Variants in ZBTB20 observed in about 807,000 individuals in gnomAD.
ZBTB20 encodes the protein zinc finger and BTB domain-containing protein 20.
A neutral mutation model predicts 56.9 loss-of-function variants in ZBTB20; 9 were observed. That is an observed-to-expected ratio of 0.16 (90% CI 0.10 to 0.28). The LOEUF is 0.28. Among genes scored for constraint, ZBTB20 ranks in the 10% least tolerant of loss-of-function variants. The pLI is 1.00. For missense variants in ZBTB20, 655 were observed against 1,003.0 expected (o/e 0.65, Z 4.69); for synonymous variants, 417 against 420.7 (o/e 0.99, Z 0.11).
At chr3:114,700,403 T>C (rs1322817226) in intron 5 of ZBTB20, among the ~76,000 whole-genome samples, 1 of 152,046 alleles carries the variant, frequency 6.6e-6, no homozygotes, top group Non-Finnish European at 1.5e-5. Flanking sequence ...ACAAACAGAG[T>C]AAACTACAGC....
Position 114,324,350 on chromosome 3 carries a change from T to C in ZBTB20, c.*14655A>G, listed in dbSNP as rs1189894304. The C allele has an allele frequency of 6.6e-6, 1 of 152,170 alleles. No individual in the cohort carries two copies. Among genetic ancestry groups the C allele is most frequent in the Non-Finnish European group, 1.5e-5 (1 of 68,010 alleles). The allele number at this position is 152,170 out of a possible 1,614,324, so 9.4% of individuals were successfully genotyped here. On this transcript the variant is annotated 3_prime_UTR_variant, in exon 12 of 12. Coordinates refer to ENST00000675478, the MANE Select transcript of ZBTB20 (RefSeq NM_001348800.3). ...TGAAACACGGTCCTAAATTTAACAG[T>C]GCTGGGCTTTTATTTTTGAATAGTG...
chr3:114,663,681 A>G (rs1292438072), intron 6 of ZBTB20, among the ~76,000 whole-genome samples: 2 of 151,552 alleles, frequency 1.3e-5, no homozygotes, highest in African/African-American at 4.8e-5. Context: ...TCAAAATAAA[A>G]GGATGGAGGA....
At chr3:115,049,715 A>AT (rs1270398244) in intron 2 of ZBTB20, among the ~76,000 whole-genome samples, 1 of 152,092 alleles carries the variant, frequency 6.6e-6, no homozygotes, top group Non-Finnish European at 1.5e-5. Context: ...AGTCAATGTT[A>AT]TTTCTCAGAA....
rs751181630 is a variant in ZBTB20, at chr3:114,623,267, C to T, written c.-295+70261G>A. ...CACATTTTGGCTATGAAAGCTGGTCCGTGGACTCCTCTGCCAGTCTCACAT... is the reference window on the plus strand; with the variant it reads ...CACATTTTGGCTATGAAAGCTGGTCTGTGGACTCCTCTGCCAGTCTCACAT... On this transcript the variant is annotated intron_variant, in intron 6 of 11. Transcript: ENST00000675478. Among the ~76,000 whole-genome samples, 10 of 152,076 alleles carry T rather than the reference C, an allele frequency of 6.6e-5. No homozygotes were observed. The South Asian group carries it at 2.1e-3, about 32-fold the overall frequency.
chr3:114,594,895 G>T (rs2056174066), intron 6 of ZBTB20, among the ~76,000 whole-genome samples: 1 of 152,174 alleles, frequency 6.6e-6, no homozygotes, highest in Admixed American at 6.5e-5. Flanking sequence ...ATAGATAGGG[G>T]CAGGAGAGCA....
chr3:114,756,311 T>C (rs2108675918), intron 5 of ZBTB20, among the ~76,000 whole-genome samples: 1 of 152,260 alleles, frequency 6.6e-6, no homozygotes, highest in East Asian at 1.9e-4. Flanking sequence ...CACTTCCATT[T>C]AGGGAGATAT....
intron 6 of ZBTB20, among the ~76,000 whole-genome samples, chr3:114,526,146 T>G (rs1336272407): frequency 1.3e-5 from 2 of 152,222 alleles, no homozygotes; most frequent in Non-Finnish European, 2.9e-5. Flanking sequence ...TCTTCTCCAC[T>G]TTCTTATGTT....
At chr3:114,391,755 T>A (rs547744327) in intron 7 of ZBTB20, among the ~76,000 whole-genome samples, 11 of 152,314 alleles carry the variant, frequency 7.2e-5, no homozygotes, top group African/African-American at 2.6e-4. Flanking sequence ...TAAAAGCTCA[T>A]CTGCTTCAAC....
intron 6 of ZBTB20, among the ~76,000 whole-genome samples, chr3:114,501,128 C>T (rs1046588186): frequency 6.6e-6 from 1 of 152,170 alleles, no homozygotes; most frequent in African/African-American, 2.4e-5. Context: ...ACTGCCTCTA[C>T]CCCTTCTCAC....
chr3:114,721,217 T>G (rs1171648748), intron 5 of ZBTB20, among the ~76,000 whole-genome samples: 1 of 152,086 alleles, frequency 6.6e-6, no homozygotes, highest in Admixed American at 6.6e-5. Context: ...ATTAAAGGCT[T>G]GTAAAGTAGG....
rs146066718 is a variant in ZBTB20, at chr3:114,810,545, G to A, written c.-416-9371C>T. On this transcript the variant is annotated intron_variant, in intron 4 of 11. Transcript: ENST00000675478. ...ACTGATACAATGGAACTGTGGGGACGGATAATAGGAGGAAGCACTCCCGGC... is the reference window on the plus strand; with the variant it reads ...ACTGATACAATGGAACTGTGGGGACAGATAATAGGAGGAAGCACTCCCGGC... Among the ~76,000 whole-genome samples, 10 of 152,218 alleles carry A rather than the reference G, an allele frequency of 6.6e-5. No homozygotes were observed. The East Asian group carries it at 1.2e-3, about 18-fold the overall frequency.
In ZBTB20 at chr3:114,572,793, G is replaced by A. The variant is rs2107362937; in HGVS notation, c.-294-72402C>T. Reference sequence around the variant, plus strand: ...GTTCATTCTCTCTGGCATCAAACTGGTTTTCTTTTTTGGGTAAATTTCTGG... The same window carrying A: ...GTTCATTCTCTCTGGCATCAAACTGATTTTCTTTTTTGGGTAAATTTCTGG... On this transcript the variant is annotated intron_variant, in intron 6 of 11. Coordinates refer to ENST00000675478, the MANE Select transcript of ZBTB20 (RefSeq NM_001348800.3). Among the ~76,000 whole-genome samples, 2 of 152,234 alleles carry A rather than the reference G, an allele frequency of 1.3e-5. 1 individual carries two copies. Among genetic ancestry groups the A allele is most frequent in the South Asian group, 4.1e-4 (2 of 4,824 alleles).
intron 6 of ZBTB20, among the ~76,000 whole-genome samples, chr3:114,625,729 C>T (rs1218001202): frequency 1.3e-5 from 2 of 152,100 alleles, no homozygotes; most frequent in East Asian, 3.8e-4. Flanking sequence ...TCCATTAGAC[C>T]TCCATCAAGA....
rs151240619 is a variant in ZBTB20, at chr3:114,883,859, A to C, written c.-417+16445T>G. Among the ~76,000 whole-genome samples the C allele has an allele frequency of 2.9e-3, 435 of 148,596 alleles. 3 individuals carry two copies. Among genetic ancestry groups the C allele is most frequent in the African/African-American group, 0.01 (411 of 40,824 alleles). On this transcript the variant is annotated intron_variant, in intron 4 of 11. Coordinates refer to ENST00000675478, the MANE Select transcript of ZBTB20 (RefSeq NM_001348800.3). ...TGGGTTCCATTGTGATAAGGACAGA[A>C]CCATGGGAATTTCCTTGGTAAGATT...
intron 2 of ZBTB20, among the ~76,000 whole-genome samples, chr3:115,043,819 C>A (rs962249012): frequency 6.6e-6 from 1 of 152,060 alleles, no homozygotes; most frequent in South Asian, 2.1e-4. Flanking sequence ...TGTGTCCCCT[C>A]CAAATCTCAT....
At chr3:114,740,529 G>T (rs2066499201) in intron 5 of ZBTB20, among the ~76,000 whole-genome samples, 1 of 152,174 alleles carries the variant, frequency 6.6e-6, no homozygotes, top group Non-Finnish European at 1.5e-5. Context: ...AATGAGAGTT[G>T]ATTTATACTT....
intron 6 of ZBTB20, among the ~76,000 whole-genome samples, chr3:114,647,452 G>C (rs939133419): frequency 6.6e-6 from 1 of 152,166 alleles, no homozygotes; most frequent in Non-Finnish European, 1.5e-5. Context: ...GAAGCCATGG[G>C]TGGCAGCTTG....
In ZBTB20 at chr3:114,337,406, C is replaced by T. The variant is rs2079496993; in HGVS notation, c.*1599G>A. 1 of 151,786 alleles carries T rather than the reference C, an allele frequency of 6.6e-6. No homozygotes were observed. The highest frequency in any genetic ancestry group is 2.4e-5 in the African/African-American group (1 of 41,330). 9.4% of individuals were successfully genotyped at this position (151,786 alleles called of 1,614,324 possible). ...AGACTTCTAGACTATTAGTGTTTCA[C>T]TAAGAAAAAAAGTAAAGTCAATAGA... On this transcript the variant is annotated 3_prime_UTR_variant, in exon 12 of 12. Coordinates refer to ENST00000675478, the MANE Select transcript of ZBTB20 (RefSeq NM_001348800.3).
At chr3:114,377,303 C>T (rs1037126220) in intron 10 of ZBTB20, among the ~76,000 whole-genome samples, 2 of 152,104 alleles carry the variant, frequency 1.3e-5, no homozygotes, top group African/African-American at 2.4e-5. Context: ...TGTTAGTAGG[C>T]GCACTGCAAA....
Sources: allele counts gnomAD v4.1 joint callset (sites outside exome capture counted in the v4.1 genomes callset), GRCh38; gene constraint gnomAD v4.1.1; transcripts MANE v1.5; gene names NCBI Gene and HGNC (gene_info 2026-07-23, HGNC 2026-07-21).